Variants in ZNF804B observed in about 807,000 individuals in gnomAD.
ZNF804B encodes zinc finger protein 804B.
Under a neutral mutation model 101.4 loss-of-function variants are expected in ZNF804B, and 80 were observed. The observed-to-expected ratio is 0.79, with a 90% CI of 0.66 to 0.95. The LOEUF (loss-of-function observed/expected upper bound fraction) is 0.95. Ranked by LOEUF, ZNF804B falls within the 40% of genes least tolerant of loss-of-function variation. ZNF804B has a pLI of 0.00. For missense variants in ZNF804B, 1,673 were observed against 1,561.9 expected (o/e 1.07, Z -1.20); for synonymous variants, 622 against 558.8 (o/e 1.11, Z -1.59).
At chr7:88,888,855 C>T (rs563699422) in intron 1 of ZNF804B, among the ~76,000 whole-genome samples, 6 of 152,080 alleles carry the variant, frequency 3.9e-5, no homozygotes, top group South Asian at 2.1e-4. Flanking sequence ...AGATATATTG[C>T]GTAAAGCTGA....
intron 1 of ZNF804B, among the ~76,000 whole-genome samples, chr7:89,163,927 A>C (rs952049967): frequency 1.3e-5 from 2 of 150,366 alleles, no homozygotes; most frequent in Non-Finnish European, 1.5e-5. Context: ...TCCTCCCTCC[A>C]TTCCTTCCCA....
At chr7:88,927,402 T>G (rs1792820730) in intron 1 of ZNF804B, among the ~76,000 whole-genome samples, 2 of 152,322 alleles carry the variant, frequency 1.3e-5, no homozygotes, top group African/African-American at 4.8e-5. Flanking sequence ...CATTTTTATC[T>G]AATACGTTCA....
intron 1 of ZNF804B, among the ~76,000 whole-genome samples, chr7:89,007,484 A>G (rs1414103467): frequency 1.6e-5 from 1 of 61,028 alleles, no homozygotes; most frequent in Non-Finnish European, 3.0e-5. Context: ...ATATATATAT[A>G]TGTCAACCTA....
chr7:89,326,613 G>C (rs771725155), intron 2 of ZNF804B, among the ~76,000 whole-genome samples: 2 of 152,048 alleles, frequency 1.3e-5, no homozygotes, highest in African/African-American at 4.8e-5. Flanking sequence ...GATTTTGGCT[G>C]TTTCTCAGTT....
intron 2 of ZNF804B, among the ~76,000 whole-genome samples, chr7:89,219,883 G>GTATATA (rs1788956195): frequency 7.5e-6 from 1 of 133,570 alleles, no homozygotes; most frequent in Non-Finnish European, 1.6e-5. Flanking sequence ...TAGTATATGT[G>GTATATA]TGTATATATG....
chr7:89,121,507 C>T (rs1403176568), intron 1 of ZNF804B, among the ~76,000 whole-genome samples: 2 of 151,988 alleles, frequency 1.3e-5, no homozygotes, highest in Non-Finnish European at 2.9e-5. Flanking sequence ...TATGTATAAT[C>T]TGCCAGAAAA....
chr7:88,914,706 T>A (rs1792606863), intron 1 of ZNF804B, among the ~76,000 whole-genome samples: 1 of 152,134 alleles, frequency 6.6e-6, no homozygotes, highest in Non-Finnish European at 1.5e-5. Flanking sequence ...ATAAAAAAAA[T>A]GGAAACAGTA....
intron 1 of ZNF804B, among the ~76,000 whole-genome samples, chr7:88,787,567 T>C (rs1311335875): frequency 6.6e-6 from 1 of 152,196 alleles, no homozygotes; most frequent in East Asian, 1.9e-4. Flanking sequence ...CTGTGAATTC[T>C]GTAATGAAGT....
At chr7:88,818,877 A>G (rs1286646914) in intron 1 of ZNF804B, among the ~76,000 whole-genome samples, 2 of 152,174 alleles carry the variant, frequency 1.3e-5, no homozygotes, top group African/African-American at 2.4e-5. Context: ...TCACAATATT[A>G]GATGAAATTG....
At chr7:89,225,342 A>G (rs909597592) in intron 2 of ZNF804B, among the ~76,000 whole-genome samples, 8 of 152,204 alleles carry the variant, frequency 5.3e-5, no homozygotes, top group African/African-American at 1.7e-4. Context: ...GGTTTTTTGA[A>G]AGAGTTGATA....
intron 1 of ZNF804B, among the ~76,000 whole-genome samples, chr7:88,995,594 A>G (rs1788177456): frequency 6.6e-6 from 1 of 151,910 alleles, no homozygotes; most frequent in African/African-American, 2.4e-5. Context: ...GAAGGTGTCA[A>G]TTCCTGGCTA....
At chr7:88,898,077 T>G (rs1792335310) in intron 1 of ZNF804B, among the ~76,000 whole-genome samples, 1 of 58,314 alleles carries the variant, frequency 1.7e-5, no homozygotes, top group Non-Finnish European at 2.8e-5. Context: ...CTCCATCTTT[T>G]TTTTTTTTTT....
intron 1 of ZNF804B, among the ~76,000 whole-genome samples, chr7:89,042,229 T>C (rs1789026315): frequency 6.6e-6 from 1 of 152,186 alleles, no homozygotes; most frequent in Non-Finnish European, 1.5e-5. Context: ...AACTTCAGTT[T>C]CCTCTAATAA....
chr7:88,783,318 T>A (rs1200516077), intron 1 of ZNF804B, among the ~76,000 whole-genome samples: 1 of 152,166 alleles, frequency 6.6e-6, no homozygotes, highest in African/African-American at 2.4e-5. Flanking sequence ...GCAGTAGAAG[T>A]GTAGTCCTGA....
At chr7:88,893,685 A>T (rs2115935818) in intron 1 of ZNF804B, among the ~76,000 whole-genome samples, 1 of 152,296 alleles carries the variant, frequency 6.6e-6, no homozygotes, top group Non-Finnish European at 1.5e-5. Flanking sequence ...CTCAGATACC[A>T]ACACTTCCCA....
intron 1 of ZNF804B, among the ~76,000 whole-genome samples, chr7:88,762,418 C>T (rs1444381496): frequency 6.6e-6 from 1 of 152,188 alleles, no homozygotes; most frequent in East Asian, 1.9e-4. Context: ...GCCTTTCTCC[C>T]TAAGGTGAAG....
chr7:88,767,829 G>C (rs2519946), intron 1 of ZNF804B, among the ~76,000 whole-genome samples: 73,830 of 152,138 alleles, frequency 0.49, 21,179 homozygotes, highest in African/African-American at 0.78. Context: ...GTTCGCAGAT[G>C]TTTCTGCCAT....
intron 1 of ZNF804B, among the ~76,000 whole-genome samples, chr7:89,174,787 A>G (rs1791294606): frequency 6.6e-6 from 1 of 151,882 alleles, no homozygotes; most frequent in South Asian, 2.1e-4. Context: ...TAAAAAACAC[A>G]TAACTAGGGT....
chr7:89,267,999 A>T (rs1789826440), intron 2 of ZNF804B, among the ~76,000 whole-genome samples: 1 of 152,050 alleles, frequency 6.6e-6, no homozygotes, highest in Non-Finnish European at 1.5e-5. Context: ...TTCTGGAAAT[A>T]ATCTCTCTTT....
Sources: gnomAD v4.1 joint callset for allele counts (sites outside exome capture counted in the v4.1 genomes callset) on GRCh38, gnomAD v4.1.1 for gene constraint, MANE v1.5 for transcripts, NCBI Gene and HGNC (gene_info 2026-07-23, HGNC 2026-07-21) for gene names.